The following KLHL7 variants were observed in gnomAD, a reference collection of about 807,000 sequenced individuals.
KLHL7 encodes the protein kelch like family member 7.
Under a neutral mutation model 67.4 loss-of-function variants are expected in KLHL7, and 44 were observed. The ratio of observed to expected loss-of-function variants is 0.65; its 90% CI spans 0.51 to 0.84. The LOEUF is 0.84. Ranked by LOEUF, KLHL7 falls within the 40% of genes least tolerant of loss-of-function variation. The pLI, the probability that KLHL7 is intolerant of heterozygous loss-of-function variation, is 0.00. For missense variants in KLHL7, 362 were observed against 718.1 expected (o/e 0.50, Z 5.67); for synonymous variants, 252 against 243.3 (o/e 1.04, Z -0.33).
At chr7:23,168,256 T>G (rs939724545) in intron 9 of KLHL7, among the ~76,000 whole-genome samples, 1 of 152,204 alleles carries the variant, frequency 6.6e-6, no homozygotes, top group Non-Finnish European at 1.5e-5. Context: ...AACCTCTTTC[T>G]TTCTGGTTCT....
In KLHL7 at chr7:23,174,682, CTGTT is replaced by C. The variant is rs1328856557; in HGVS notation, c.*388_*391del. The C allele has an allele frequency of 2.2e-6, 1 of 458,660 alleles. No homozygotes were observed. The highest frequency in any genetic ancestry group is 1.5e-5 in the South Asian group (1 of 64,532). The allele number at this position is 458,660 out of a possible 1,614,324, so 28.4% of individuals were successfully genotyped here. The stretch of plus-strand genomic sequence containing the variant: ...TCACAGAAGTGCTATACGGTTAGGT[CTGTT>C]TGTGCTCAGTCAAGAACTAAGAAAT... On this transcript the variant is annotated 3_prime_UTR_variant, in exon 11 of 11. Transcript: ENST00000339077.
At chr7:23,150,569 A>C (rs139667070) in intron 6 of KLHL7, among the ~76,000 whole-genome samples, 289 of 152,320 alleles carry the variant, frequency 1.9e-3, no homozygotes, top group African/African-American at 6.7e-3. Flanking sequence ...TCTATTGTAT[A>C]GACATAGCAT....
In KLHL7 at chr7:23,175,030, T is replaced by C. The variant is rs1305275054; in HGVS notation, c.*732T>C. On this transcript the variant is annotated 3_prime_UTR_variant, in exon 11 of 11. Transcript: ENST00000339077. ...AAAAAGGATTCTGCCTCTTTAGTCCTCACTGTTAAATAAAACCCAATCATA... is the reference window on the plus strand; with the variant it reads ...AAAAAGGATTCTGCCTCTTTAGTCCCCACTGTTAAATAAAACCCAATCATA... 2.2e-6 allele frequency: 1 copy of C among 452,400 alleles called. No individual in the cohort carries two copies. The highest frequency in any genetic ancestry group is 4.4e-6 in the Non-Finnish European group (1 of 225,926). The allele number at this position is 452,400 out of a possible 1,614,324, so 28.0% of individuals were successfully genotyped here.
At chr7:23,129,318 C>T in intron 4 of KLHL7, 3 of 326,538 alleles carry the variant, frequency 9.2e-6, no homozygotes, top group Non-Finnish European at 1.8e-5. Context: ...GGACAACATG[C>T]TACAGGGCAC....
At chr7:23,118,381 T>G (rs1334823275) in intron 1 of KLHL7, among the ~76,000 whole-genome samples, 1 of 152,224 alleles carries the variant, frequency 6.6e-6, no homozygotes, top group African/African-American at 2.4e-5. Flanking sequence ...TTTCTATTCT[T>G]TCTTCCCTAA....
chr7:23,115,635 C>T (rs1055206923), intron 1 of KLHL7, among the ~76,000 whole-genome samples: 4 of 151,924 alleles, frequency 2.6e-5, no homozygotes, highest in Admixed American at 2.6e-4. Context: ...CCTCTGCCTC[C>T]CAGGTTCAAG....
chr7:23,136,407 C>T (rs532438145), intron 4 of KLHL7, among the ~76,000 whole-genome samples: 4 of 152,162 alleles, frequency 2.6e-5, no homozygotes, highest in African/African-American at 9.7e-5. Context: ...CTGGTTTACA[C>T]AGAAAGGGAA....
chr7:23,159,267 G>T (rs1220497723), intron 7 of KLHL7, among the ~76,000 whole-genome samples: 4 of 151,882 alleles, frequency 2.6e-5, no homozygotes, highest in African/African-American at 7.3e-5. Flanking sequence ...GGCCTCAAGT[G>T]ATTCTCCCAC....
intron 5 of KLHL7, 64 bp from the exon 6 acceptor site, chr7:23,143,787 A>G (rs1286358713): frequency 7.4e-6 from 11 of 1,490,418 alleles, no homozygotes; most frequent in Non-Finnish European, 1.0e-5. Context: ...TATGAGAGTA[A>G]ACATAGGTAA....
intron 6 of KLHL7, among the ~76,000 whole-genome samples, chr7:23,148,209 C>T (rs1784418844): frequency 6.6e-6 from 1 of 151,974 alleles, no homozygotes; most frequent in South Asian, 2.1e-4. Context: ...AAATATTTTA[C>T]ATGGATATCT....
intron 4 of KLHL7, chr7:23,140,537 ATG>A (rs1271140504): frequency 2.0e-6 from 1 of 508,154 alleles, no homozygotes. Context: ...AGCCTGGGCG[ATG>A]GAGCGAGACT....
In KLHL7 at chr7:23,175,335, C is replaced by CT; in HGVS notation, c.*1042dup. On this transcript the variant is annotated 3_prime_UTR_variant, in exon 11 of 11. Coordinates refer to ENST00000339077, the MANE Select transcript of KLHL7 (RefSeq NM_001031710.3). ...CATTTCCTTCCTAGTAATACTTTGC[C>CT]TTTTTCACTGTGTATGGAATGAAAC... The CT allele has an allele frequency of 2.2e-6, 1 of 453,944 alleles. No homozygotes were observed. Among genetic ancestry groups the CT allele is most frequent in the Non-Finnish European group, 4.4e-6 (1 of 226,756 alleles). The allele number at this position is 453,944 out of a possible 1,614,324, so 28.1% of individuals were successfully genotyped here.
At chr7:23,172,220 G>GA (rs1309240797) in intron 9 of KLHL7, 3 of 453,504 alleles carry the variant, frequency 6.6e-6, no homozygotes, top group South Asian at 4.7e-5. Context: ...TTAAATCTCA[G>GA]AAAAAAATAA....
chr7:23,135,027 A>G (rs1165426390), intron 4 of KLHL7, among the ~76,000 whole-genome samples: 1 of 151,796 alleles, frequency 6.6e-6, no homozygotes, highest in East Asian at 1.9e-4. Flanking sequence ...ACATCATTAG[A>G]TTGTTAATTT....
chr7:23,117,851 C>A (rs1783158515), intron 1 of KLHL7: 1 of 1,612,392 alleles, frequency 6.2e-7, no homozygotes, highest in Admixed American at 1.7e-5. Context: ...AATCTACCAC[C>A]CAGCTGTAGT....
intron 5 of KLHL7, among the ~76,000 whole-genome samples, chr7:23,142,532 C>T (rs1276120404): frequency 1.3e-5 from 2 of 152,086 alleles, no homozygotes; most frequent in Non-Finnish European, 2.9e-5. Flanking sequence ...TAACAAGTAA[C>T]ATTACACTGG....
rs150258741 is a variant in KLHL7 at position 23,175,667 on chromosome 7, G to C, written c.*1369G>C. ...CATACCATACAATTCACCATTTAAA[G>C]TATACTATTCAGGCCAGGCACAGTG... is the stretch of plus-strand genomic sequence containing the variant. On this transcript the variant is annotated 3_prime_UTR_variant, in exon 11 of 11. Transcript: ENST00000339077. 584 of 261,552 alleles carry C rather than the reference G, an allele frequency of 2.2e-3. 5 individuals are homozygous for C. The highest frequency in any genetic ancestry group is 0.013 in the African/African-American group (553 of 42,968). The allele number at this position is 261,552 out of a possible 1,614,324, so 16.2% of individuals were successfully genotyped here.
At chr7:23,118,547 G>A (rs1003357683) in intron 1 of KLHL7, among the ~76,000 whole-genome samples, 4 of 152,030 alleles carry the variant, frequency 2.6e-5, no homozygotes, top group Non-Finnish European at 5.9e-5. Context: ...ATCTGTTGTC[G>A]GTGTCCTCTG....
chr7:23,176,733 G>A lies in KLHL7; in HGVS notation c.*2435G>A, dbSNP rs190950823. ...TCACGCCCTTAATCCCAGCACTTTG[G>A]GAGGCCGAGGCGGGTGGATTACCTG... On this transcript the variant is annotated 3_prime_UTR_variant, in exon 11 of 11. Transcript: ENST00000339077. The A allele has an allele frequency of 3.9e-3, 590 of 151,202 alleles. 7 individuals are homozygous for A. The highest frequency in any genetic ancestry group is 3.1e-3 in the Non-Finnish European group (211 of 68,014). The allele number at this position is 151,202 out of a possible 1,614,324, so 9.4% of individuals were successfully genotyped here.
Sources: gnomAD v4.1 joint callset for allele counts (sites outside exome capture counted in the v4.1 genomes callset) on GRCh38, gnomAD v4.1.1 for gene constraint, MANE v1.5 for transcripts, NCBI Gene and HGNC (gene_info 2026-07-23, HGNC 2026-07-21) for gene names.